ZNF331: variants seen among roughly 807,000 people sequenced by gnomAD.
The protein encoded by ZNF331 is zinc finger protein 331, also known as C2H2-like zinc finger protein rearranged in thyroid adenomas.
In ZNF331, 2 loss-of-function variants were observed where a neutral mutation model predicts 7.0. The ratio of observed to expected loss-of-function variants is 0.29; its 90% CI spans 0.12 to 0.90. ZNF331 has a LOEUF of 0.90. ZNF331 is among the 40% of genes least tolerant of loss of function. ZNF331 has a pLI of 0.58. For synonymous variants in ZNF331, 196 were observed against 205.4 expected, an observed-to-expected ratio of 0.95 and a Z score of 0.39; for missense variants, 432 against 587.7, an observed-to-expected ratio of 0.74 and a Z score of 2.74.
the ZNF331 span, among the ~76,000 whole-genome samples, chr19:53,513,311 CTT>C: frequency 6.6e-6 from 1 of 151,840 alleles, no homozygotes; most frequent in African/African-American, 2.4e-5. Flanking sequence ...TACCCATTTC[CTT>C]CAGACGCATA....
chr19:53,506,299 C>T, the ZNF331 span, among the ~76,000 whole-genome samples: 1 of 107,230 alleles, frequency 9.3e-6, no homozygotes, highest in African/African-American at 3.9e-5. Context: ...CGCGCCACCG[C>T]ACTCCAGCCT....
At chr19:53,540,518 C>T (rs1295400789) in intron 2 of ZNF331, among the ~76,000 whole-genome samples, 2 of 152,020 alleles carry the variant, frequency 1.3e-5, no homozygotes, top group Non-Finnish European at 2.9e-5. Flanking sequence ...CTGCAACCTC[C>T]ACCTCCCAGA....
chr19:53,570,909 T>C (rs1449127926), intron 4 of ZNF331, among the ~76,000 whole-genome samples: 1 of 148,354 alleles, frequency 6.7e-6, no homozygotes, highest in Non-Finnish European at 1.5e-5. Flanking sequence ...CAGGCTGGAG[T>C]GCAGTGCCAC....
In ZNF331 at chr19:53,545,340, G is replaced by A. The variant is rs563451790; in HGVS notation, c.-138+6058G>A. 1.4e-3 allele frequency among the ~76,000 whole-genome samples: 216 copies of A among 152,308 alleles called. 2 individuals are homozygous for A. The highest frequency in any genetic ancestry group is 3.9e-3 in the African/African-American group (163 of 41,568). On this transcript the variant is annotated intron_variant, in intron 2 of 5. Coordinates refer to ENST00000449416, the MANE Select transcript of ZNF331 (RefSeq NM_001079906.2). The stretch of plus-strand genomic sequence containing the variant: ...TGACGTTAGTACTTGGAATGAGAGC[G>A]TGACTAACGGGGCATAACTGCTGCC...
At chr19:53,520,634 G>C (rs924102920), upstream of ZNF331, among the ~76,000 whole-genome samples, 18 of 152,336 alleles carry the variant, frequency 1.2e-4, no homozygotes, top group Admixed American at 3.9e-4. Flanking sequence ...GCATTCTGAC[G>C]GCCGCGCTTC....
In ZNF331 at chr19:53,555,896, C is replaced by T. The variant is rs1568502404; in HGVS notation, c.-86C>T. ...CCGAGGAGGAAGACGAATCGTTAAACATCTTAGGTCAGGTGAGTATCTTTT... is the reference window on the plus strand; with the variant it reads ...CCGAGGAGGAAGACGAATCGTTAAATATCTTAGGTCAGGTGAGTATCTTTT... On this transcript the variant is annotated 5_prime_UTR_variant, in exon 3 of 6. Transcript: ENST00000449416. 6.6e-6 allele frequency: 1 copy of T among 150,508 alleles called. No homozygotes were observed. Among genetic ancestry groups the T allele is most frequent in the Non-Finnish European group, 1.5e-5 (1 of 67,878 alleles). 9.3% of individuals were successfully genotyped at this position (150,508 alleles called of 1,614,324 possible).
chr19:53,506,020 A>G, the ZNF331 span, among the ~76,000 whole-genome samples: 1 of 151,440 alleles, frequency 6.6e-6, no homozygotes, highest in Non-Finnish European at 1.5e-5. Context: ...TGCAGCGCAG[A>G]CCATGGTCTG....
chr19:53,566,828 T>C lies in ZNF331; in HGVS notation c.-73-2476T>C, dbSNP rs557619561. Among the ~76,000 whole-genome samples the C allele has an allele frequency of 2.7e-5, 4 of 150,412 alleles. No individual in the cohort carries two copies. In the East Asian group the frequency reaches 7.8e-4, roughly 29 times the overall value. On this transcript the variant is annotated intron_variant, in intron 3 of 5. Coordinates refer to ENST00000449416, the MANE Select transcript of ZNF331 (RefSeq NM_001079906.2). ...GTCGTAGAACTTCCCGGATTTTTTC[T>C]TTCTGTTTCTCTGTTTTTATATCTC...
At chr19:53,559,492 A>C (rs553582567) in intron 3 of ZNF331, among the ~76,000 whole-genome samples, 5 of 150,950 alleles carry the variant, frequency 3.3e-5, no homozygotes, top group African/African-American at 4.9e-5. Context: ...CACCATATAT[A>C]TGCATATATA....
chr19:53,577,770 A>G lies in ZNF331; in HGVS notation c.1210A>G (p.Ile404Val). 2 of 1,613,968 alleles carry G rather than the reference A, an allele frequency of 1.2e-6. No homozygotes were observed. Among genetic ancestry groups the G allele is most frequent in the Non-Finnish European group, 1.7e-6 (2 of 1,179,838 alleles). Residue 404 changes from isoleucine (I) to valine (V), a missense_variant, in exon 6 of 6, where the codon ATT becomes GTT. By Grantham distance (29) the Ile-to-Val change is conservative. Coordinates refer to ENST00000449416, the MANE Select transcript of ZNF331 (RefSeq NM_001079906.2). ...ATCGAGCCTCGTGAAACATGAGAGA[A>G]TTCATACCGGGGTGAAACCCTATGG... ...YGSSLVKHER[I>V]HTGVKPYGCT...
the ZNF331 span, among the ~76,000 whole-genome samples, chr19:53,511,497 A>AAGAGG: frequency 2.0e-5 from 3 of 152,092 alleles, no homozygotes; most frequent in African/African-American, 7.2e-5. Flanking sequence ...ATGAGCCAAA[A>AAGAGG]ACTAAATAAA....
chr19:53,536,014 G>A (rs545806571), upstream of ZNF331, among the ~76,000 whole-genome samples: 2 of 152,150 alleles, frequency 1.3e-5, no homozygotes, highest in South Asian at 4.1e-4. Context: ...ATGTTGCCCA[G>A]GTTGGTCTTG....
intron 3 of ZNF331, among the ~76,000 whole-genome samples, chr19:53,559,940 TACAC>T (rs1371536077): frequency 1.4e-5 from 2 of 147,582 alleles, no homozygotes; most frequent in Admixed American, 6.7e-5. Flanking sequence ...CACACATACA[TACAC>T]ACCACACACA....
chr19:53,550,440 A>C (rs905710748), intron 2 of ZNF331, among the ~76,000 whole-genome samples: 1 of 151,926 alleles, frequency 6.6e-6, no homozygotes, highest in African/African-American at 2.4e-5. Context: ...ATCTATAATT[A>C]ATATATCATC....
rs112855712 is a variant in ZNF331, at chr19:53,576,886, A to T, written c.326A>T (p.Lys109Ile). ...YVNQMIINYV[K>I]RPATREGTPP... ...AATCAGATGATCATCAATTATGTCA[A>T]AAGACCTGCTACTAGAGAAGGCACC... is the stretch of plus-strand genomic sequence containing the variant. Residue 109 changes from lysine (K) to isoleucine (I), a missense_variant, in exon 6 of 6, where the codon AAA becomes ATA. This residue lies in a region of ZNF331 where 81 missense variants were observed against 70.3 expected (regional missense o/e 1.15). Transcript: ENST00000449416. 10,678 of 1,614,130 alleles carry T rather than the reference A, an allele frequency of 6.6e-3. 51 individuals are homozygous for T. The highest frequency in any genetic ancestry group is 7.5e-3 in the Non-Finnish European group (8,814 of 1,180,020).
chr19:53,536,052 C>A (rs1479106618), upstream of ZNF331, among the ~76,000 whole-genome samples: 4 of 152,180 alleles, frequency 2.6e-5, no homozygotes, highest in Non-Finnish European at 2.9e-5. Context: ...GATCCGCTCA[C>A]CTTGGCTTCC....
intron 2 of ZNF331, among the ~76,000 whole-genome samples, chr19:53,527,208 G>GT (rs1456124082): frequency 1.3e-5 from 2 of 151,932 alleles, no homozygotes; most frequent in Admixed American, 1.3e-4. Flanking sequence ...ATAACTTAAG[G>GT]AAGTCCTGAA....
chr19:53,542,174 A>T (rs1464614967), intron 2 of ZNF331, among the ~76,000 whole-genome samples: 1 of 152,202 alleles, frequency 6.6e-6, no homozygotes, highest in Non-Finnish European at 1.5e-5. Context: ...CCCAGCCATG[A>T]GTCGCATTAC....
the ZNF331 span, among the ~76,000 whole-genome samples, chr19:53,506,454 C>CTCTG: frequency 9.9e-6 from 1 of 100,750 alleles, no homozygotes; most frequent in African/African-American, 4.1e-5. Flanking sequence ...GTCTCTCTCT[C>CTCTG]TCTCTCTCTC....
Sources: allele counts gnomAD v4.1 joint callset (sites outside exome capture counted in the v4.1 genomes callset), GRCh38; gene constraint gnomAD v4.1.1; regional missense constraint gnomAD v4.1.1; transcripts MANE v1.5; gene names NCBI Gene and HGNC (gene_info 2026-07-23, HGNC 2026-07-21).